Variants in HPRT1 observed in about 807,000 individuals in gnomAD.
HPRT1 encodes hypoxanthine-guanine phosphoribosyltransferase.
HPRT1 carries 4 observed loss-of-function variants against 19.0 expected under a neutral mutation model. That is an observed-to-expected ratio of 0.21 (90% CI 0.10 to 0.48). HPRT1 has a LOEUF of 0.48. Among genes scored for constraint, HPRT1 ranks in the 20% least tolerant of loss-of-function variants. The pLI is 0.98. For synonymous variants in HPRT1, 53 were observed against 54.9 expected, an observed-to-expected ratio of 0.97 and a Z score of 0.15; for missense variants, 65 against 164.0, an observed-to-expected ratio of 0.40 and a Z score of 3.30.
At chrX:134,497,674 C>T (rs1279511371) in intron 6 of HPRT1, among the ~76,000 whole-genome samples, 2 of 110,526 alleles carry the variant, frequency 1.8e-5, no homozygotes, top group East Asian at 5.7e-4. Flanking sequence ...TGGCCAGGCG[C>T]GGTGGCTTAC....
chrX:134,481,505 C>CTCTATCTATCTATCTATCTA, intron 3 of HPRT1, among the ~76,000 whole-genome samples: 1 of 96,149 alleles, frequency 1.0e-5, no homozygotes. Flanking sequence ...ATCTGTCTAT[C>CTCTATCTATCTATCTATCTA]TCTATCTATC....
chrX:134,462,989 G>A (rs112416586), intron 1 of HPRT1, among the ~76,000 whole-genome samples: 121 of 112,322 alleles, frequency 1.1e-3, no homozygotes, highest in African/African-American at 3.7e-3. Flanking sequence ...TTTTAAGTTA[G>A]TAGTGACAAT....
At chrX:134,462,344 C>T (rs2077586576) in intron 1 of HPRT1, among the ~76,000 whole-genome samples, 1 of 110,801 alleles carries the variant, frequency 9.0e-6, no homozygotes. Flanking sequence ...CCATGCCTGG[C>T]TAATTTTTTG....
At chrX:134,473,866 T>C (rs1266507506) in intron 2 of HPRT1, among the ~76,000 whole-genome samples, 1 of 112,140 alleles carries the variant, frequency 8.9e-6, no homozygotes, top group African/African-American at 3.2e-5. Flanking sequence ...TACCTGGTAT[T>C]GAATGCTTGC....
Position 134,488,239 on chromosome X carries a change from G to C in HPRT1, c.384+1709G>C. On this transcript the variant is annotated intron_variant, in intron 4 of 8. Coordinates refer to ENST00000298556, the MANE Select transcript of HPRT1 (RefSeq NM_000194.3). ...CTGCAACCTCCCCTTCCCAGTTCAAGTGATTCTCCTGCCTCAGACTCCCAA... is the reference window on the plus strand; with the variant it reads ...CTGCAACCTCCCCTTCCCAGTTCAACTGATTCTCCTGCCTCAGACTCCCAA... Among the ~76,000 whole-genome samples the C allele has an allele frequency of 1.8e-5, 2 of 110,575 alleles. 1 individual carries two copies. The highest frequency in any genetic ancestry group is 8.5e-3 in the Middle Eastern group (2 of 234).
rs755724398 is a variant in HPRT1 at position 134,480,613 on chromosome X, T to A, written c.318+5249T>A. Among the ~76,000 whole-genome samples, 811 of 95,866 alleles carry A rather than the reference T, an allele frequency of 8.5e-3. 4 individuals are homozygous for A. The highest frequency in any genetic ancestry group is 0.025 in the African/African-American group (658 of 26,222). The allele number at this position is 95,866 out of a possible 115,157, so 83.2% of individuals were successfully genotyped here. On this transcript the variant is annotated intron_variant, in intron 3 of 8. Transcript: ENST00000298556. ...TGCGTGCCATCACCCATGGCTATTT[T>A]AAAAAAAAAAAAAATTGTAGAGATA...
chrX:134,465,810 A>G (rs1345974882), intron 1 of HPRT1, among the ~76,000 whole-genome samples: 1 of 112,249 alleles, frequency 8.9e-6, no homozygotes, highest in Non-Finnish European at 1.9e-5. Context: ...TATTTGGGAA[A>G]GGCAGATCTG....
At chrX:134,491,463 T>C (rs2077666250) in intron 5 of HPRT1, among the ~76,000 whole-genome samples, 1 of 111,623 alleles carries the variant, frequency 9.0e-6, no homozygotes, top group Admixed American at 9.6e-5. Context: ...ACTACTTTGA[T>C]AAATCTATCC....
intron 6 of HPRT1, among the ~76,000 whole-genome samples, chrX:134,494,193 G>A (rs1488344477): frequency 8.9e-6 from 1 of 112,404 alleles, no homozygotes; most frequent in Non-Finnish European, 1.9e-5. Flanking sequence ...CAAAGGTACA[G>A]AGCTAGTCCG....
intron 1 of HPRT1, among the ~76,000 whole-genome samples, chrX:134,466,581 A>G (rs1202030870): frequency 8.9e-6 from 1 of 111,747 alleles, no homozygotes; most frequent in Non-Finnish European, 1.9e-5. Context: ...TGTGAGAAAT[A>G]AGTTTCTGTT....
At chrX:134,479,178 C>A (rs1413138092) in intron 3 of HPRT1, among the ~76,000 whole-genome samples, 2 of 111,886 alleles carry the variant, frequency 1.8e-5, no homozygotes, top group Non-Finnish European at 3.8e-5. Context: ...GAGACGCCAT[C>A]TCAAAATATT....
At chrX:134,474,934 T>G (rs2077620368) in intron 2 of HPRT1, among the ~76,000 whole-genome samples, 1 of 110,613 alleles carries the variant, frequency 9.0e-6, no homozygotes, top group Admixed American at 9.7e-5. Context: ...CAGGCTGGAG[T>G]GCAGTGGCAC....
At chrX:134,494,011 TC>T (rs753006494) in intron 6 of HPRT1, among the ~76,000 whole-genome samples, 2 of 112,265 alleles carry the variant, frequency 1.8e-5, no homozygotes, top group Non-Finnish European at 3.8e-5. Context: ...AATGCCTGCT[TC>T]CTTTTTTATT....
At chrX:134,492,602 G>C (rs1569358759) in intron 5 of HPRT1, 2 of 321,600 alleles carry the variant, frequency 6.2e-6, no homozygotes, top group East Asian at 1.0e-4. Context: ...GATATTTAAA[G>C]GCTCATGCCC....
intron 5 of HPRT1, chrX:134,492,512 T>A (rs2077670437): frequency 3.0e-6 from 1 of 328,607 alleles, no homozygotes; most frequent in Non-Finnish European, 5.9e-6. Context: ...TCCTTCAGGT[T>A]GTTGGCAGAA....
At chrX:134,461,296 G>T (rs928332845) in intron 1 of HPRT1, among the ~76,000 whole-genome samples, 19 of 112,166 alleles carry the variant, frequency 1.7e-4, no homozygotes, top group African/African-American at 6.2e-4. Context: ...AATCACCGCC[G>T]TAACTCTAGC....
intron 5 of HPRT1, among the ~76,000 whole-genome samples, chrX:134,491,504 C>T (rs189207520): frequency 8.9e-4 from 99 of 111,087 alleles, no homozygotes; most frequent in African/African-American, 3.1e-3. Flanking sequence ...GTTGAACCAT[C>T]GTAAGTTGGA....
At chrX:134,499,717 T>C (rs1372350820) in intron 8 of HPRT1, among the ~76,000 whole-genome samples, 1 of 107,875 alleles carries the variant, frequency 9.3e-6, no homozygotes, top group Non-Finnish European at 1.9e-5. Flanking sequence ...GGCAGGAGAA[T>C]GGCGTGAACC....
chrX:134,464,405 G>C (rs958488934), intron 1 of HPRT1, among the ~76,000 whole-genome samples: 1 of 108,784 alleles, frequency 9.2e-6, no homozygotes, highest in African/African-American at 3.3e-5. Context: ...GCTTTGAGGT[G>C]TTTTTTTTTG....
Sources: allele counts gnomAD v4.1 joint callset (sites outside exome capture counted in the v4.1 genomes callset), GRCh38; gene constraint gnomAD v4.1.1; transcripts MANE v1.5; gene names NCBI Gene and HGNC (gene_info 2026-07-23, HGNC 2026-07-21).